TMEM62: variants seen among roughly 807,000 people sequenced by gnomAD.
TMEM62 encodes the protein transmembrane protein 62.
TMEM62 carries 41 observed loss-of-function variants against 70.4 expected under a neutral mutation model. The ratio of observed to expected loss-of-function variants is 0.58; its 90% CI spans 0.45 to 0.76. The LOEUF (loss-of-function observed/expected upper bound fraction) is 0.76. Ranked by LOEUF, TMEM62 falls within the 30% of genes least tolerant of loss-of-function variation. The pLI is 0.00. For missense variants in TMEM62, 688 were observed against 788.5 expected, an observed-to-expected ratio of 0.87 and a Z score of 1.53; for synonymous variants, 268 against 291.0, an observed-to-expected ratio of 0.92 and a Z score of 0.80.
At chr15:43,166,557 C>CTTTTTTTTTTTTTTT (rs1163961554) in intron 10 of TMEM62, among the ~76,000 whole-genome samples, 1 of 132,014 alleles carries the variant, frequency 7.6e-6, no homozygotes, top group African/African-American at 2.8e-5. Context: ...TGAGGTTTTT[C>CTTTTTTTTTTTTTTT]TTTTTTTTTT....
chr15:43,177,206 A>G (rs184804238), intron 11 of TMEM62, among the ~76,000 whole-genome samples: 1 of 152,210 alleles, frequency 6.6e-6, no homozygotes. Context: ...CAAATCTGCT[A>G]TGTGAAAAGA....
intron 8 of TMEM62, among the ~76,000 whole-genome samples, chr15:43,153,736 A>G (rs1489931549): frequency 5.3e-5 from 8 of 151,060 alleles, no homozygotes; most frequent in Admixed American, 1.3e-4. Flanking sequence ...CATTTTGTTT[A>G]TGTGTTCAAT....
At chr15:43,177,703 A>C (rs1416511780) in intron 11 of TMEM62, among the ~76,000 whole-genome samples, 1 of 152,148 alleles carries the variant, frequency 6.6e-6, no homozygotes, top group African/African-American at 2.4e-5. Flanking sequence ...TTGTAGGGAC[A>C]TGGATGAAAT....
At chr15:43,142,795 G>A (rs937758170) in intron 4 of TMEM62, among the ~76,000 whole-genome samples, 1 of 150,590 alleles carries the variant, frequency 6.6e-6, no homozygotes, top group African/African-American at 2.4e-5. Context: ...TCAGCCTCTC[G>A]GGTAGCTGGG....
chr15:43,160,412 G>A (rs956184008), intron 9 of TMEM62: 13 of 299,924 alleles, frequency 4.3e-5, no homozygotes, highest in South Asian at 2.4e-4. Context: ...TTAGCCAGGC[G>A]TAGTGGTGTG....
At chr15:43,157,778 A>C (rs1385410663) in intron 9 of TMEM62, among the ~76,000 whole-genome samples, 2 of 152,216 alleles carry the variant, frequency 1.3e-5, no homozygotes, top group Non-Finnish European at 2.9e-5. Context: ...CATACCTGGA[A>C]GACTAACAGT....
intron 11 of TMEM62, among the ~76,000 whole-genome samples, chr15:43,170,693 G>T (rs1013640576): frequency 1.3e-5 from 2 of 152,168 alleles, no homozygotes; most frequent in Admixed American, 6.5e-5. Context: ...AAGTGTGATT[G>T]CTCCTCCTTA....
At chr15:43,154,636 C>A in intron 8 of TMEM62, 36 bp from the exon 9 acceptor site, 1 of 1,568,708 alleles carries the variant, frequency 6.4e-7, no homozygotes, top group Non-Finnish European at 8.6e-7. Flanking sequence ...AATGACAAAC[C>A]TCAAACCATG....
At chr15:43,143,915 G>A (rs773908009) in intron 4 of TMEM62, among the ~76,000 whole-genome samples, 2 of 152,194 alleles carry the variant, frequency 1.3e-5, no homozygotes, top group Non-Finnish European at 2.9e-5. Context: ...TGGATAGTGT[G>A]AGAGATACAT....
intron 3 of TMEM62, among the ~76,000 whole-genome samples, chr15:43,137,919 G>A (rs894289785): frequency 2.0e-5 from 3 of 152,092 alleles, no homozygotes; most frequent in African/African-American, 4.8e-5. Flanking sequence ...ATTCTCTGCC[G>A]GGCCTACACT....
intron 10 of TMEM62, among the ~76,000 whole-genome samples, chr15:43,167,213 G>C (rs1438261422): frequency 2.0e-5 from 3 of 151,324 alleles, no homozygotes; most frequent in Non-Finnish European, 3.0e-5. Flanking sequence ...CGGGCGGGGG[G>C]CTGACCCCCC....
At position 43,148,853 on chromosome 15, in the gene TMEM62, A is replaced by T. The variant is rs1001818464; in HGVS notation, c.717A>T (p.Pro239=). ...TTACAACATCCACTATTCTTTCTCC[A>T]TCACCAGGAATCCGGTCAATAATGA... ...GHFTTSTILS[P]SPGIRSIMSS... The change falls in exon 6 of 14, where the codon CCA becomes CCT. Residue 239 remains proline (P), a synonymous_variant. Transcript: ENST00000260403. 15 of 1,613,572 alleles carry T rather than the reference A, an allele frequency of 9.3e-6. No individual in the cohort carries two copies. Among genetic ancestry groups the T allele is most frequent in the Non-Finnish European group, 1.3e-5 (15 of 1,179,920 alleles).
chr15:43,176,763 T>A (rs2040798938), intron 11 of TMEM62, among the ~76,000 whole-genome samples: 1 of 151,886 alleles, frequency 6.6e-6, no homozygotes, highest in Admixed American at 6.5e-5. Flanking sequence ...ACTGGAAAAC[T>A]CTAAAAAGCA....
At chr15:43,162,783 A>C (rs1244316853) in intron 10 of TMEM62, among the ~76,000 whole-genome samples, 1 of 151,954 alleles carries the variant, frequency 6.6e-6, no homozygotes, top group East Asian at 1.9e-4. Context: ...AGTTGTTTCT[A>C]ATTTGCCCCT....
intron 2 of TMEM62, 29 bp from the exon 3 acceptor site, chr15:43,135,483 T>C (rs1299282479): frequency 8.3e-6 from 13 of 1,567,694 alleles, no homozygotes; most frequent in African/African-American, 4.1e-5. Flanking sequence ...TATTTTGCAT[T>C]GTGATTCAAT....
chr15:43,135,749 T>A (rs760494211), intron 3 of TMEM62, 100 bp downstream of exon 3: 1 of 1,350,156 alleles, frequency 7.4e-7, no homozygotes, highest in Admixed American at 2.9e-5. Flanking sequence ...AAGTGGGACA[T>A]TTACATATAC....
At chr15:43,173,440 T>G (rs1469736292) in intron 11 of TMEM62, among the ~76,000 whole-genome samples, 1 of 152,200 alleles carries the variant, frequency 6.6e-6, no homozygotes, top group African/African-American at 2.4e-5. Flanking sequence ...ACACACTGAA[T>G]AAAGGTCAGA....
In TMEM62 at chr15:43,184,930, C is replaced by T. The variant is rs1467486670; in HGVS notation, c.*344C>T. On this transcript the variant is annotated 3_prime_UTR_variant, in exon 14 of 14. Coordinates refer to ENST00000260403, the MANE Select transcript of TMEM62 (RefSeq NM_024956.4). ...GGCCCAGTGTGTTTTTTAGGGTTAC[C>T]CCATGTAAAGCACTTACCGCTGTGC... The T allele has an allele frequency of 3.2e-6, 1 of 311,776 alleles. No individual in the cohort carries two copies. The highest frequency in any genetic ancestry group is 6.0e-6 in the Non-Finnish European group (1 of 167,032). The allele number at this position is 311,776 out of a possible 1,614,324, so 19.3% of individuals were successfully genotyped here. A position where few individuals can be genotyped will look rare whatever the true frequency, so the allele number is the denominator to read the frequency against.
At chr15:43,143,478 T>A (rs1234469165) in intron 4 of TMEM62, among the ~76,000 whole-genome samples, 1 of 152,234 alleles carries the variant, frequency 6.6e-6, no homozygotes, top group Non-Finnish European at 1.5e-5. Context: ...ATGCATGCAG[T>A]TTAATGCTTT....
Sources: gnomAD v4.1 joint callset for allele counts (sites outside exome capture counted in the v4.1 genomes callset) on GRCh38, gnomAD v4.1.1 for gene constraint, MANE v1.5 for transcripts, NCBI Gene and HGNC (gene_info 2026-07-23, HGNC 2026-07-21) for gene names.